ELF2: variants seen among roughly 807,000 people sequenced by gnomAD.
ELF2 encodes the protein ETS-related transcription factor Elf-2.
In ELF2, 11 loss-of-function variants were observed where a neutral mutation model predicts 54.8. The ratio of observed to expected loss-of-function variants is 0.20; its 90% CI spans 0.13 to 0.33. ELF2 has a LOEUF of 0.33. Ranked by LOEUF, ELF2 falls within the 10% of genes least tolerant of loss-of-function variation. The pLI, the probability that ELF2 is intolerant of heterozygous loss-of-function variation, is 1.00. For missense variants in ELF2, 513 were observed against 703.0 expected, an observed-to-expected ratio of 0.73 and a Z score of 3.06; for synonymous variants, 203 against 245.1, an observed-to-expected ratio of 0.83 and a Z score of 1.61.
chr4:139,150,308 A>C (rs1739738944), intron 1 of ELF2, among the ~76,000 whole-genome samples: 1 of 151,208 alleles, frequency 6.6e-6, no homozygotes, highest in African/African-American at 2.4e-5. Flanking sequence ...CAGAGGTTGC[A>C]GTAAGCCGAG....
At chr4:139,065,870 A>G (rs1728623030) in intron 7 of ELF2, 1 of 152,208 alleles carries the variant, frequency 6.6e-6, no homozygotes, top group Admixed American at 6.5e-5. Flanking sequence ...GTTAACTTTT[A>G]AAGTTTTCAA....
intron 2 of ELF2, among the ~76,000 whole-genome samples, chr4:139,138,201 G>A (rs1578900149): frequency 6.6e-6 from 1 of 152,064 alleles, no homozygotes; most frequent in Non-Finnish European, 1.5e-5. Context: ...GGCGGATCAC[G>A]AGGTCAAGAG....
At chr4:139,173,221 T>C (rs1311923966) in intron 1 of ELF2, among the ~76,000 whole-genome samples, 1 of 152,174 alleles carries the variant, frequency 6.6e-6, no homozygotes, top group Non-Finnish European at 1.5e-5. Flanking sequence ...ACGATCTATA[T>C]ATTTACTAAA....
Position 139,058,740 on chromosome 4 carries a change from T to C in ELF2, c.*243A>G. ...GCTGCTTGGTCCCTTTCGATCCTTT[T>C]TCTTATTGATGGGTTCAGTTGTTTC... On this transcript the variant is annotated 3_prime_UTR_variant, in exon 10 of 10. Coordinates refer to ENST00000686138, the MANE Select transcript of ELF2 (RefSeq NM_001331036.3). 4.4e-6 allele frequency: 2 copies of C among 459,446 alleles called. No homozygotes were observed. The highest frequency in any genetic ancestry group is 7.5e-6 in the Non-Finnish European group (2 of 266,998). The allele number at this position is 459,446 out of a possible 1,614,324, so 28.5% of individuals were successfully genotyped here.
chr4:139,131,156 A>G (rs1737451061), intron 3 of ELF2, among the ~76,000 whole-genome samples: 2 of 152,234 alleles, frequency 1.3e-5, no homozygotes, highest in Non-Finnish European at 2.9e-5. Context: ...CAGGATACCC[A>G]GTTAAATTTG....
At chr4:139,112,529 G>GT (rs1464060603) in intron 4 of ELF2, among the ~76,000 whole-genome samples, 1 of 152,166 alleles carries the variant, frequency 6.6e-6, no homozygotes. Context: ...AGGGATATGT[G>GT]TTAAAGCATT....
At chr4:139,147,733 CA>C (rs1196507488) in intron 1 of ELF2, among the ~76,000 whole-genome samples, 1 of 151,898 alleles carries the variant, frequency 6.6e-6, no homozygotes, top group Non-Finnish European at 1.5e-5. Flanking sequence ...CTCGGCCTCC[CA>C]AAGTGCTGGG....
At chr4:139,064,871 A>T (rs190346081) in intron 7 of ELF2, among the ~76,000 whole-genome samples, 2 of 152,152 alleles carry the variant, frequency 1.3e-5, no homozygotes. Context: ...CAAGAGCGAA[A>T]CTCCACCTCA....
intron 1 of ELF2, among the ~76,000 whole-genome samples, chr4:139,167,124 A>G (rs1741805965): frequency 6.6e-6 from 1 of 152,228 alleles, no homozygotes; most frequent in East Asian, 1.9e-4. Context: ...ATTCATGAGT[A>G]TTCTTATTTT....
chr4:139,161,653 A>T (rs1028515363), intron 1 of ELF2, among the ~76,000 whole-genome samples: 32 of 52,524 alleles, frequency 6.1e-4, no homozygotes, highest in African/African-American at 1.9e-3. Flanking sequence ...AAAACTGTTT[A>T]AAAAAAAAAA....
In ELF2 at chr4:139,058,345, G is replaced by A. The variant is rs1727309950; in HGVS notation, c.*638C>T. 6.7e-6 allele frequency: 1 copy of A among 150,126 alleles called. No individual in the cohort carries two copies. The highest frequency in any genetic ancestry group is 2.1e-4 in the South Asian group (1 of 4,778). 9.3% of individuals were successfully genotyped at this position (150,126 alleles called of 1,614,324 possible). ...TTAGCTTATTTCAAGAAAGAAAATC[G>A]AAAATTAGTCTAAGGCCTTTGTTTT... On this transcript the variant is annotated 3_prime_UTR_variant, in exon 10 of 10. Transcript: ENST00000686138.
At chr4:139,176,269 C>T (rs1237125413) in intron 1 of ELF2, among the ~76,000 whole-genome samples, 1 of 152,210 alleles carries the variant, frequency 6.6e-6, no homozygotes, top group Non-Finnish European at 1.5e-5. Context: ...GATGGCAGCA[C>T]GGTGCCGGCG....
At chr4:139,117,349 T>C (rs1735829078) in intron 4 of ELF2, among the ~76,000 whole-genome samples, 1 of 152,140 alleles carries the variant, frequency 6.6e-6, no homozygotes, top group Non-Finnish European at 1.5e-5. Flanking sequence ...AGATTAGGGG[T>C]GATGATTTTC....
chr4:139,076,994 A>C (rs1445380598), intron 4 of ELF2, among the ~76,000 whole-genome samples: 1 of 152,182 alleles, frequency 6.6e-6, no homozygotes, highest in Non-Finnish European at 1.5e-5. Flanking sequence ...TTACCTATGA[A>C]GTTATCAGCC....
intron 4 of ELF2, among the ~76,000 whole-genome samples, chr4:139,111,556 A>G (rs1185977252): frequency 6.7e-6 from 1 of 149,358 alleles, no homozygotes; most frequent in Non-Finnish European, 1.5e-5. Context: ...TACACAATTG[A>G]CTTAAAGGCC....
intron 1 of ELF2, among the ~76,000 whole-genome samples, chr4:139,163,829 A>T (rs921412389): frequency 1.3e-5 from 2 of 152,024 alleles, no homozygotes; most frequent in Non-Finnish European, 2.9e-5. Context: ...TGGGAGGATC[A>T]CTTGAGCCCG....
At chr4:139,121,220 T>G in intron 4 of ELF2, among the ~76,000 whole-genome samples, 1 of 146,460 alleles carries the variant, frequency 6.8e-6, no homozygotes, top group South Asian at 2.2e-4. Context: ...GCCATTCTCC[T>G]GCCTCAGCCT....
intron 1 of ELF2, among the ~76,000 whole-genome samples, chr4:139,169,340 T>A (rs1578986148): frequency 9.2e-6 from 1 of 108,586 alleles, no homozygotes; most frequent in Non-Finnish European, 1.7e-5. Context: ...AGAGCGGGAC[T>A]ACATTTAAAA....
intron 6 of ELF2, among the ~76,000 whole-genome samples, chr4:139,070,332 C>A (rs1434743295): frequency 6.6e-6 from 1 of 151,402 alleles, no homozygotes; most frequent in South Asian, 2.1e-4. Context: ...ACTCTGTCAC[C>A]CAGGCTGGAG....
Sources: allele counts gnomAD v4.1 joint callset (sites outside exome capture counted in the v4.1 genomes callset), GRCh38; gene constraint gnomAD v4.1.1; transcripts MANE v1.5; gene names NCBI Gene and HGNC (gene_info 2026-07-23, HGNC 2026-07-21).